The following ASTN2 variants were observed in gnomAD, a reference collection of about 807,000 sequenced individuals.
The protein encoded by ASTN2 is astrotactin-2.
Under a neutral mutation model 139.8 loss-of-function variants are expected in ASTN2, and 54 were observed. That is an observed-to-expected ratio of 0.39 (90% CI 0.31 to 0.48). The LOEUF is 0.48. Ranked by LOEUF, ASTN2 falls within the 20% of genes least tolerant of loss-of-function variation. The probability of loss-of-function intolerance (pLI) is 0.95; values close to 1 mark genes in which losing one functional copy is unlikely to be tolerated. For synonymous variants in ASTN2, 756 were observed against 719.5 expected, an observed-to-expected ratio of 1.05 and a Z score of -0.81; for missense variants, 1,565 against 1,725.1, an observed-to-expected ratio of 0.91 and a Z score of 1.64.
chr9:116,653,946 A>G (rs1288882339), intron 16 of ASTN2, among the ~76,000 whole-genome samples: 2 of 152,210 alleles, frequency 1.3e-5, no homozygotes, highest in East Asian at 3.9e-4. Context: ...AGACAAACAA[A>G]ACAAGGGTGT....
intron 3 of ASTN2, among the ~76,000 whole-genome samples, chr9:117,173,087 G>C (rs1381084471): frequency 6.6e-6 from 1 of 151,918 alleles, no homozygotes; most frequent in Non-Finnish European, 1.5e-5. Context: ...AGACATACAG[G>C]AAAAATACTA....
intron 1 of ASTN2, among the ~76,000 whole-genome samples, chr9:117,346,536 GC>G (rs1829223582): frequency 6.6e-6 from 1 of 152,158 alleles, no homozygotes; most frequent in Non-Finnish European, 1.5e-5. Flanking sequence ...AGTAAGAGTT[GC>G]CCAATTCTTT....
At position 117,214,385 on chromosome 9, in the gene ASTN2, C is replaced by T. The variant is rs372229820; in HGVS notation, c.988G>A (p.Glu330Lys). The change falls in exon 3 of 23, where the codon GAA (glutamate) becomes AAA (lysine). Residue 330 changes from glutamate to lysine, a missense_variant. Physicochemically the swap from Glu to Lys is moderately conservative, Grantham distance 56 (BLOSUM62 1). Coordinates refer to ENST00000313400, the MANE Select transcript of ASTN2 (RefSeq NM_001365068.1). ...HTLDSLGHPG[E>K]EKVDFEKKAA... ...TTCTTCTCAAAGTCCACCTTCTCTT[C>T]CCCTGGATGTCCCAGACTGTCCAGA... 120 of 1,593,960 alleles carry T rather than the reference C, an allele frequency of 7.5e-5. No individual in the cohort carries two copies. Among genetic ancestry groups the T allele is most frequent in the Non-Finnish European group, 9.9e-5 (115 of 1,163,906 alleles).
intron 10 of ASTN2, among the ~76,000 whole-genome samples, chr9:116,898,555 G>T (rs146095464): frequency 6.6e-6 from 1 of 152,128 alleles, no homozygotes; most frequent in Non-Finnish European, 1.5e-5. Flanking sequence ...TGACCACAGG[G>T]CAACCTGTAG....
At chr9:116,985,533 G>A (rs1275347813) in intron 7 of ASTN2, among the ~76,000 whole-genome samples, 2 of 152,154 alleles carry the variant, frequency 1.3e-5, no homozygotes, top group East Asian at 1.9e-4. Flanking sequence ...CTTTCCACTG[G>A]CCCTATTCCC....
At chr9:116,763,615 T>C (rs1341105711) in intron 13 of ASTN2, among the ~76,000 whole-genome samples, 3 of 152,190 alleles carry the variant, frequency 2.0e-5, no homozygotes, top group Non-Finnish European at 4.4e-5. Flanking sequence ...CAGCTAGACC[T>C]GGATGTTCAT....
At chr9:116,524,541 T>C (rs1204476845) in intron 19 of ASTN2, among the ~76,000 whole-genome samples, 1 of 152,184 alleles carries the variant, frequency 6.6e-6, no homozygotes, top group Non-Finnish European at 1.5e-5. Context: ...CCAGTTCAGC[T>C]TTCCTGCTCT....
intron 1 of ASTN2, among the ~76,000 whole-genome samples, chr9:117,306,823 C>T (rs541776569): frequency 7.2e-5 from 11 of 152,102 alleles, no homozygotes; most frequent in Non-Finnish European, 1.5e-4. Flanking sequence ...ACCACTGACT[C>T]AGGGCTGTAA....
intron 4 of ASTN2, among the ~76,000 whole-genome samples, chr9:117,106,240 CTTTT>C (rs1372045101): frequency 3.4e-5 from 5 of 149,104 alleles, no homozygotes; most frequent in Admixed American, 3.3e-4. Context: ...TTTTTTTTTT[CTTTT>C]GAGACAGAAT....
intron 3 of ASTN2, among the ~76,000 whole-genome samples, chr9:117,199,519 C>T (rs1288128351): frequency 2.0e-5 from 3 of 152,140 alleles, no homozygotes; most frequent in Non-Finnish European, 4.4e-5. Context: ...GTTTTGGTTG[C>T]TGTAGGCTTG....
chr9:117,386,811 C>G (rs760323410), intron 1 of ASTN2, among the ~76,000 whole-genome samples: 36 of 152,290 alleles, frequency 2.4e-4, no homozygotes, highest in South Asian at 6.2e-4. Flanking sequence ...CTTGGCTAAG[C>G]TCCTGCTATT....
intron 5 of ASTN2, among the ~76,000 whole-genome samples, chr9:117,093,967 T>C (rs1346553154): frequency 6.6e-6 from 1 of 152,210 alleles, no homozygotes; most frequent in Non-Finnish European, 1.5e-5. Context: ...AATAGATTTG[T>C]ATTTTGATAT....
intron 20 of ASTN2, among the ~76,000 whole-genome samples, chr9:116,471,080 C>G (rs937264630): frequency 1.6e-4 from 24 of 152,220 alleles, no homozygotes; most frequent in African/African-American, 5.5e-4. Context: ...TAGAAGCCAG[C>G]AAAATTGCTG....
intron 7 of ASTN2, among the ~76,000 whole-genome samples, chr9:116,998,561 C>CCATCCATCCATA (rs1239849571): frequency 3.3e-4 from 50 of 152,078 alleles, no homozygotes; most frequent in Admixed American, 9.2e-4. Flanking sequence ...ATCCATCCAT[C>CCATCCATCCATA]CATCCATCCA....
At chr9:116,720,581 C>T (rs184493057) in intron 16 of ASTN2, among the ~76,000 whole-genome samples, 5 of 148,112 alleles carry the variant, frequency 3.4e-5, no homozygotes, top group Admixed American at 1.4e-4. Flanking sequence ...TCTCTCTCTG[C>T]CTTTCTTTTC....
intron 19 of ASTN2, chr9:116,543,659 G>A (rs912888299): frequency 2.6e-5 from 4 of 152,064 alleles, no homozygotes; most frequent in Non-Finnish European, 4.4e-5. Flanking sequence ...TATTTTCCTT[G>A]TCCCTCTCTC....
chr9:117,016,624 CTATA>C (rs1175306157), intron 6 of ASTN2, among the ~76,000 whole-genome samples: 590 of 19,998 alleles, frequency 0.03, 65 homozygotes, highest in African/African-American at 0.085. Flanking sequence ...ATCTATCTAT[CTATA>C]TATATATATA....
chr9:117,408,580 G>T (rs1173476155), intron 1 of ASTN2, among the ~76,000 whole-genome samples: 1 of 152,166 alleles, frequency 6.6e-6, no homozygotes, highest in Non-Finnish European at 1.5e-5. Flanking sequence ...CCAGCCAAAG[G>T]CCTAGTCAAT....
chr9:117,030,988 C>G (rs1838231259), intron 6 of ASTN2, among the ~76,000 whole-genome samples: 2 of 152,156 alleles, frequency 1.3e-5, no homozygotes, highest in Admixed American at 1.3e-4. Context: ...GGAGTTCAAG[C>G]TATTCTCCCT....
Sources: allele counts gnomAD v4.1 joint callset (sites outside exome capture counted in the v4.1 genomes callset), GRCh38; gene constraint gnomAD v4.1.1; transcripts MANE v1.5; gene names NCBI Gene and HGNC (gene_info 2026-07-23, HGNC 2026-07-21).